NFAT5: variants seen among roughly 807,000 people sequenced by gnomAD.
NFAT5 encodes nuclear factor of activated T cells 5, also known as nuclear factor of activated T-cells 5.
In NFAT5, 31 loss-of-function variants were observed where a neutral mutation model predicts 166.5. That is an observed-to-expected ratio of 0.19 (90% CI 0.14 to 0.25). NFAT5 has a LOEUF of 0.25. Among genes scored for constraint, NFAT5 ranks in the 10% least tolerant of loss-of-function variants. The pLI is 1.00. For missense variants in NFAT5, 1,449 were observed against 1,821.8 expected, an observed-to-expected ratio of 0.80 and a Z score of 3.72; for synonymous variants, 612 against 639.7, an observed-to-expected ratio of 0.96 and a Z score of 0.65.
rs543739817 is a variant in NFAT5 at position 69,684,873 on chromosome 16, C to CT, written c.1691-6dup. 1.0e-4 allele frequency: 162 copies of CT among 1,569,386 alleles called. 1 individual carries two copies. In the East Asian group the frequency reaches 2.3e-3, roughly 22 times the overall value. ...AGTAAATGTAGATAAATACATTAAT[C>CT]TTTTTTTTAATAGCAGCAGCTGGTG... On this transcript the variant is annotated splice_polypyrimidine_tract_variant and intron_variant, in intron 10 of 14. Transcript: ENST00000349945.
intron 2 of NFAT5, among the ~76,000 whole-genome samples, chr16:69,602,608 C>G (rs1407481948): frequency 7.1e-6 from 1 of 140,930 alleles, no homozygotes. Flanking sequence ...TTGAGACAGA[C>G]TCTCACTCTC....
chr16:69,688,071 C>G (rs1251202018), intron 11 of NFAT5, among the ~76,000 whole-genome samples: 6 of 150,868 alleles, frequency 4.0e-5, no homozygotes, highest in Non-Finnish European at 8.9e-5. Flanking sequence ...TGGCGGGCGC[C>G]TGTAGTCCCA....
chr16:69,571,524 G>A (rs953557072), intron 2 of NFAT5, among the ~76,000 whole-genome samples: 1 of 151,854 alleles, frequency 6.6e-6, no homozygotes, highest in African/African-American at 2.4e-5. Context: ...AACTCCCAAT[G>A]GTATATACTA....
intron 10 of NFAT5, among the ~76,000 whole-genome samples, chr16:69,680,790 T>C (rs2037026776): frequency 6.6e-6 from 1 of 152,132 alleles, no homozygotes; most frequent in Non-Finnish European, 1.5e-5. Context: ...GATGAATTCT[T>C]GCTCTGTCAC....
At chr16:69,687,475 A>G (rs1381938046) in intron 11 of NFAT5, among the ~76,000 whole-genome samples, 1 of 151,912 alleles carries the variant, frequency 6.6e-6, no homozygotes, top group Non-Finnish European at 1.5e-5. Flanking sequence ...CATAAATAAA[A>G]TTAACCTTTG....
chr16:69,598,380 T>TA (rs374912279), intron 2 of NFAT5, among the ~76,000 whole-genome samples: 2,033 of 118,916 alleles, frequency 0.017, 29 homozygotes, highest in African/African-American at 0.041. Flanking sequence ...CCTGTCTCTT[T>TA]AAAAAAAAAA....
At chr16:69,685,790 A>C (rs1190922254) in intron 11 of NFAT5, 1 of 152,418 alleles carries the variant, frequency 6.6e-6, no homozygotes, top group Non-Finnish European at 1.5e-5. Flanking sequence ...TCACGCCTGT[A>C]ATCCCAGCAC....
chr16:69,632,599 CTTAA>C (rs2034768810), intron 3 of NFAT5: 1 of 152,104 alleles, frequency 6.6e-6, no homozygotes, highest in African/African-American at 2.4e-5. Context: ...TTTATTATAA[CTTAA>C]TTTACTTACG....
intron 2 of NFAT5, among the ~76,000 whole-genome samples, chr16:69,569,565 A>T (rs1467112217): frequency 6.6e-6 from 1 of 152,160 alleles, no homozygotes; most frequent in East Asian, 1.9e-4. Context: ...TTGAATACCA[A>T]CTTAGCTCCT....
At chr16:69,583,239 C>G (rs542221973) in intron 2 of NFAT5, among the ~76,000 whole-genome samples, 38 of 151,950 alleles carry the variant, frequency 2.5e-4, no homozygotes, top group Admixed American at 8.5e-4. Flanking sequence ...TTCTGTCACC[C>G]TGGCTGCTGG....
Position 69,692,013 on chromosome 16 carries a change from C to G in NFAT5, c.2188C>G (p.Gln730Glu), listed in dbSNP as rs1165841094. 1.2e-6 allele frequency: 2 copies of G among 1,614,206 alleles called. No homozygotes were observed. The highest frequency in any genetic ancestry group is 1.7e-6 in the Non-Finnish European group (2 of 1,180,048). ...ACTATTGCAGCAGGCTACACAGTTT[C>G]AGACAAGAGAAACTCAGTCTAGAGA... is the stretch of plus-strand genomic sequence containing the variant. The part of the protein sequence containing the change: ...DALLQQATQF[Q>E]TRETQSREIL... The change falls in exon 13 of 15, where the codon CAG (glutamine) becomes GAG (glutamate). Residue 730 changes from glutamine (Q) to glutamate (E), a missense_variant. This residue lies in a region of NFAT5 where 891 missense variants were observed against 993.0 expected (regional missense o/e 0.90). Transcript: ENST00000349945.
In NFAT5 at chr16:69,670,103, A is replaced by G. The variant is rs758800304; in HGVS notation, c.1496A>G (p.Asn499Ser). Residue 499 changes from asparagine to serine, a missense_variant, in exon 8 of 15, where the codon AAT becomes AGT. Coordinates refer to ENST00000349945, the MANE Select transcript of NFAT5 (RefSeq NM_138713.4). ...GGAACTAAAGTTATTTTCCAAGAAA[A>G]TGTTTCTGGTAAGTACGCATATTTG... ...LKGTKVIFQE[N>S]VSDENSWKSE... 5 of 1,611,254 alleles carry G rather than the reference A, an allele frequency of 3.1e-6. No individual in the cohort carries two copies. The South Asian group carries it at 4.4e-5, about 14-fold the overall frequency.
rs1313197101 is a variant in NFAT5 at position 69,692,879 on chromosome 16, T to G, written c.3054T>G (p.Ile1018Met). The G allele has an allele frequency of 6.2e-7, 1 of 1,614,164 alleles. No homozygotes were observed. Among genetic ancestry groups the G allele is most frequent in the Admixed American group, 1.7e-5 (1 of 60,020 alleles). ...GEETGTQAKQ[I>M]QNSVFQTMVQ... is the part of the protein sequence containing the mutation. ...AAACTGGAACACAAGCAAAACAGAT[T>G]CAGAACAGTGTCTTTCAGACCATGG... is the stretch of plus-strand genomic sequence containing the variant. Residue 1018 changes from isoleucine to methionine, a missense_variant, in exon 13 of 15, where the codon ATT (isoleucine) becomes ATG (methionine). Physicochemically the swap from Ile to Met is conservative, Grantham distance 10. Coordinates refer to ENST00000349945, the MANE Select transcript of NFAT5 (RefSeq NM_138713.4).
chr16:69,692,042 A>G lies in NFAT5; in HGVS notation c.2217A>G (p.Ile739Met). ...FQTRETQSRE[I>M]LQSDGTVVNL... ...CAAGAGAAACTCAGTCTAGAGAGAT[A>G]TTACAGTCAGATGGTACAGTGGTTA... is the stretch of plus-strand genomic sequence containing the variant. The change falls in exon 13 of 15, where the codon ATA (isoleucine) becomes ATG (methionine). Residue 739 changes from isoleucine (I) to methionine (M), a missense_variant. Ile to Met is a conservative substitution (Grantham distance 10). Transcript: ENST00000349945. The G allele has an allele frequency of 6.2e-7, 1 of 1,614,192 alleles. No individual in the cohort carries two copies. The highest frequency in any genetic ancestry group is 8.5e-7 in the Non-Finnish European group (1 of 1,180,042).
intron 2 of NFAT5, among the ~76,000 whole-genome samples, chr16:69,626,066 C>T (rs2034444058): frequency 6.7e-6 from 1 of 150,110 alleles, no homozygotes; most frequent in Non-Finnish European, 1.5e-5. Flanking sequence ...ACCTGAGCCT[C>T]CCAAATAGTT....
Position 69,608,005 on chromosome 16 carries a change from G to T in NFAT5, c.128-18398G>T, listed in dbSNP as rs1041003913. ...TCAAAAGGGCCATGGTGCTTAAAAA[G>T]AAATTAGAAAACTAAATGCTTATGG... is the stretch of plus-strand genomic sequence containing the variant. On this transcript the variant is annotated intron_variant, in intron 2 of 14. Coordinates refer to ENST00000349945, the MANE Select transcript of NFAT5 (RefSeq NM_138713.4). 2.6e-5 allele frequency among the ~76,000 whole-genome samples: 4 copies of T among 152,178 alleles called. 1 individual carries two copies. In the South Asian group the frequency reaches 8.3e-4, roughly 32 times the overall value.
At chr16:69,606,716 C>T (rs745686992) in intron 2 of NFAT5, among the ~76,000 whole-genome samples, 6 of 152,018 alleles carry the variant, frequency 3.9e-5, no homozygotes, top group African/African-American at 7.2e-5. Flanking sequence ...ATTAGCTGGG[C>T]GTGGTGGTAC....
intron 2 of NFAT5, among the ~76,000 whole-genome samples, chr16:69,599,158 G>T (rs1406915857): frequency 6.6e-6 from 1 of 152,114 alleles, no homozygotes; most frequent in Non-Finnish European, 1.5e-5. Flanking sequence ...CTTTTTTGAG[G>T]TGATGAAAAT....
chr16:69,678,539 C>T (rs1006532612), intron 10 of NFAT5, among the ~76,000 whole-genome samples: 2 of 152,086 alleles, frequency 1.3e-5, no homozygotes, highest in African/African-American at 4.8e-5. Flanking sequence ...TTAGAAGATA[C>T]CTATTTATGA....
Sources: allele counts gnomAD v4.1 joint callset (sites outside exome capture counted in the v4.1 genomes callset), GRCh38; gene constraint gnomAD v4.1.1; regional missense constraint gnomAD v4.1.1; transcripts MANE v1.5; gene names NCBI Gene and HGNC (gene_info 2026-07-23, HGNC 2026-07-21).